Variants in ASH2L observed in about 807,000 individuals in gnomAD.
The protein encoded by ASH2L is set1/Ash2 histone methyltransferase complex subunit ASH2.
ASH2L carries 30 observed loss-of-function variants against 81.1 expected under a neutral mutation model. That is an observed-to-expected ratio of 0.37 (90% confidence interval 0.28 to 0.50). The LOEUF (loss-of-function observed/expected upper bound fraction) is 0.50. Among genes scored for constraint, ASH2L ranks in the 20% least tolerant of loss-of-function variants. ASH2L has a pLI of 0.95. For synonymous variants in ASH2L, 273 were observed against 279.9 expected, an observed-to-expected ratio of 0.98 and a Z score of 0.24; for missense variants, 559 against 792.1, an observed-to-expected ratio of 0.71 and a Z score of 3.53.
intron 8 of ASH2L, among the ~76,000 whole-genome samples, chr8:38,118,600 G>C (rs537115927): frequency 1.3e-5 from 2 of 152,344 alleles, no homozygotes; most frequent in South Asian, 4.1e-4. Flanking sequence ...TGACGAATGG[G>C]TATGGAACTA....
chr8:38,105,956 C>T, intron 1 of ASH2L: 3 of 1,516,662 alleles, frequency 2.0e-6, no homozygotes, highest in Non-Finnish European at 2.6e-6. Context: ...AGGCTCCTGT[C>T]GTTATCTCTG....
In ASH2L at chr8:38,139,218, G is replaced by A. The variant is rs186215147; in HGVS notation, c.*147G>A. 2,456 of 618,482 alleles carry A rather than the reference G, an allele frequency of 4.0e-3. 10 individuals are homozygous for A. Among genetic ancestry groups the A allele is most frequent in the Middle Eastern group, 0.012 (27 of 2,254 alleles). The allele number at this position is 618,482 out of a possible 1,614,324, so 38.3% of individuals were successfully genotyped here. On this transcript the variant is annotated 3_prime_UTR_variant, in exon 16 of 16. Transcript: ENST00000343823. ...GTTAAAAGGCTGGGTAGGACTGCGG[G>A]AGACTGCCTGCCTTTCACCATTTTC...
upstream of ASH2L, chr8:38,105,498 C>G (rs1400665783): frequency 1.4e-6 from 2 of 1,472,374 alleles, no homozygotes; most frequent in Non-Finnish European, 1.8e-6. Context: ...CGTCACACAG[C>G]AACGCGCGCG....
intron 5 of ASH2L, among the ~76,000 whole-genome samples, chr8:38,113,689 T>C (rs1031569239): frequency 6.6e-6 from 1 of 152,244 alleles, no homozygotes; most frequent in Non-Finnish European, 1.5e-5. Context: ...AGGACAACTC[T>C]TAATGTGTCT....
intron 6 of ASH2L, 43 bp downstream of exon 6, chr8:38,114,330 A>G: frequency 1.6e-6 from 2 of 1,269,982 alleles, no homozygotes; most frequent in Non-Finnish European, 1.1e-6. Context: ...TTAAAAAACC[A>G]TTGTTTTTTG....
chr8:38,132,016 T>C (rs1046819701), intron 12 of ASH2L, among the ~76,000 whole-genome samples: 6 of 152,132 alleles, frequency 3.9e-5, no homozygotes, highest in Non-Finnish European at 8.8e-5. Flanking sequence ...GCCCAGCTAA[T>C]TTTTATATTT....
At position 38,107,012 on chromosome 8, in the gene ASH2L, C is replaced by G; in HGVS notation, c.256-9C>G. 4 of 1,613,856 alleles carry G rather than the reference C, an allele frequency of 2.5e-6. No homozygotes were observed. Among genetic ancestry groups the G allele is most frequent in the Non-Finnish European group, 3.4e-6 (4 of 1,179,842 alleles). Reference sequence around the variant, plus strand: ...CAACTGATTTGAGTCTCGAACTGCTCTGACACAGGAAGGTGCTGGGGATAC... The same window carrying G: ...CAACTGATTTGAGTCTCGAACTGCTGTGACACAGGAAGGTGCTGGGGATAC... On this transcript the variant is annotated splice_polypyrimidine_tract_variant and intron_variant, in intron 2 of 15. Coordinates refer to ENST00000343823, the MANE Select transcript of ASH2L (RefSeq NM_004674.5).
At chr8:38,120,481 C>T (rs1811090571) in intron 9 of ASH2L, among the ~76,000 whole-genome samples, 1 of 151,976 alleles carries the variant, frequency 6.6e-6, no homozygotes, top group Non-Finnish European at 1.5e-5. Flanking sequence ...GTGATGGAAT[C>T]TCGGCTCACT....
intron 6 of ASH2L, 72 bp downstream of exon 6, chr8:38,114,359 G>A (rs141958925): frequency 3.6e-5 from 34 of 939,118 alleles, no homozygotes; most frequent in East Asian, 1.0e-4. Flanking sequence ...CAATAATATC[G>A]TCTCATTGTG....
chr8:38,110,320 GAA>G, intron 3 of ASH2L, 57 bp from the exon 4 acceptor site: 1 of 1,342,376 alleles, frequency 7.4e-7, no homozygotes, highest in Non-Finnish European at 1.1e-6. Context: ...TTTAAAAAAA[GAA>G]AAAGAAGTGT....
At chr8:38,137,073 A>G (rs1802284950) in intron 14 of ASH2L, among the ~76,000 whole-genome samples, 1 of 148,722 alleles carries the variant, frequency 6.7e-6, no homozygotes, top group African/African-American at 2.5e-5. Context: ...AGCCTGGGCA[A>G]TAGAGTGAGA....
chr8:38,106,525 T>G, intron 2 of ASH2L, 81 bp downstream of exon 2: 8 of 1,212,766 alleles, frequency 6.6e-6, no homozygotes, highest in Middle Eastern at 2.1e-4. Flanking sequence ...TTTTTTTTGT[T>G]GCGACGGAGC....
Position 38,107,198 on chromosome 8 carries a change from G to C in ASH2L, c.401+32G>C, listed in dbSNP as rs944782148. On this transcript the variant is annotated intron_variant, in intron 3 of 15. Transcript: ENST00000343823. ...ACTTTTCATAGTTTTTGTGAGAATT[G>C]CTCGGTAAAATAAATCTGAACATGC... 3.1e-6 allele frequency: 5 copies of C among 1,610,314 alleles called. No individual in the cohort carries two copies. The Admixed American group carries it at 6.7e-5, about 21-fold the overall frequency.
At chr8:38,110,203 G>A (rs1464267111) in intron 3 of ASH2L, among the ~76,000 whole-genome samples, 176 bp from the exon 4 acceptor site, 1 of 152,152 alleles carries the variant, frequency 6.6e-6, no homozygotes, top group Non-Finnish European at 1.5e-5. Context: ...CCAGCTACTT[G>A]GGGGGCTGAA....
intron 5 of ASH2L, among the ~76,000 whole-genome samples, chr8:38,113,980 G>A (rs1001502247): frequency 5.3e-5 from 8 of 152,204 alleles, no homozygotes; most frequent in African/African-American, 1.9e-4. Context: ...TATACTTGTG[G>A]AAATCCCCAT....
At chr8:38,123,082 C>CT (rs59410420) in intron 10 of ASH2L, among the ~76,000 whole-genome samples, 87,493 of 100,934 alleles carry the variant, frequency 0.87, 38,796 homozygotes, top group Non-Finnish European at 0.93. Flanking sequence ...TTCAGAATTT[C>CT]TTTTTTTTTT....
Position 38,114,964 on chromosome 8 carries a change from A to C in ASH2L, c.741A>C (p.Pro247=). ...KEHPDPGSKD[P]EEDYPKFGLL... is the part of the protein sequence containing the mutation. ...ACCCAGATCCAGGCAGTAAAGATCC[A>C]GAAGAAGATTACCCCAAATTTGGAC... The change falls in exon 7 of 16, where the codon CCA becomes CCC. Residue 247 remains proline, a synonymous_variant. Transcript: ENST00000343823. 1 of 1,613,046 alleles carries C rather than the reference A, an allele frequency of 6.2e-7. No individual in the cohort carries two copies.
chr8:38,138,772 T>C (rs1802371472), intron 14 of ASH2L, 44 bp from the exon 15 acceptor site: 8 of 1,579,042 alleles, frequency 5.1e-6, no homozygotes, highest in Non-Finnish European at 5.2e-6. Context: ...TCCAATATTT[T>C]TTGTCCATTT....
intron 4 of ASH2L, 94 bp downstream of exon 4, chr8:38,110,561 G>C: frequency 7.6e-7 from 1 of 1,311,706 alleles, no homozygotes. Flanking sequence ...TTGCCTAGTA[G>C]CTGGTATAAA....
Sources: allele counts gnomAD v4.1 joint callset (sites outside exome capture counted in the v4.1 genomes callset), GRCh38; gene constraint gnomAD v4.1.1; transcripts MANE v1.5; gene names NCBI Gene and HGNC (gene_info 2026-07-23, HGNC 2026-07-21).